The following TMTC2 variants were observed in gnomAD, a reference collection of about 807,000 sequenced individuals.
The protein encoded by TMTC2 is protein O-mannosyl-transferase TMTC2.
TMTC2 carries 43 observed loss-of-function variants against 82.4 expected under a neutral mutation model. That is an observed-to-expected ratio of 0.52 (90% CI 0.41 to 0.67). TMTC2 has a LOEUF of 0.67. Among genes scored for constraint, TMTC2 ranks in the 30% least tolerant of loss-of-function variants. The pLI is 0.00. For missense variants in TMTC2, 919 were observed against 1,012.4 expected (o/e 0.91, Z 1.25); for synonymous variants, 408 against 381.9 (o/e 1.07, Z -0.80).
chr12:82,961,189 C>T (rs1405029115), intron 4 of TMTC2, among the ~76,000 whole-genome samples: 2 of 96,912 alleles, frequency 2.1e-5, no homozygotes, highest in Non-Finnish European at 4.1e-5. Flanking sequence ...AGTTTCTCTG[C>T]CACTATTATT....
At chr12:82,952,598 T>G (rs1877405411) in intron 4 of TMTC2, among the ~76,000 whole-genome samples, 1 of 152,130 alleles carries the variant, frequency 6.6e-6, no homozygotes, top group Non-Finnish European at 1.5e-5. Context: ...CAGACTCAAG[T>G]CCAGTGGTGC....
At chr12:82,754,947 G>A (rs187913638) in intron 1 of TMTC2, among the ~76,000 whole-genome samples, 120 of 152,288 alleles carry the variant, frequency 7.9e-4, no homozygotes, top group Admixed American at 3.1e-3. Context: ...AAGCATCTCA[G>A]AAAAAGGTGT....
intron 1 of TMTC2, among the ~76,000 whole-genome samples, chr12:82,727,044 C>G (rs534282721): frequency 5.8e-4 from 88 of 151,630 alleles, no homozygotes; most frequent in Non-Finnish European, 9.9e-4. Flanking sequence ...ATAAGGAAAA[C>G]TAGATGTTTT....
At chr12:82,841,647 C>T (rs143020713) in intron 1 of TMTC2, among the ~76,000 whole-genome samples, 4 of 152,270 alleles carry the variant, frequency 2.6e-5, no homozygotes, top group East Asian at 3.9e-4. Flanking sequence ...TCCCATGTTT[C>T]GCATGTGTGT....
chr12:82,971,255 T>G (rs1486354697), intron 7 of TMTC2, among the ~76,000 whole-genome samples: 3 of 152,152 alleles, frequency 2.0e-5, no homozygotes, highest in Non-Finnish European at 4.4e-5. Flanking sequence ...AGTCCTTCTG[T>G]GTTACCTAAA....
At chr12:82,975,146 G>T (rs1878614708) in intron 7 of TMTC2, among the ~76,000 whole-genome samples, 1 of 152,088 alleles carries the variant, frequency 6.6e-6, no homozygotes, top group Non-Finnish European at 1.5e-5. Context: ...TTAGTTCAAA[G>T]CATTTAGCAT....
intron 2 of TMTC2, among the ~76,000 whole-genome samples, chr12:82,892,383 A>C (rs771602035): frequency 1.4e-4 from 21 of 152,126 alleles, no homozygotes; most frequent in Non-Finnish European, 2.9e-4. Context: ...ATTGTATTTA[A>C]ATTTTCTTTT....
intron 8 of TMTC2, among the ~76,000 whole-genome samples, chr12:83,024,166 C>T (rs183072124): frequency 6.6e-6 from 1 of 152,110 alleles, no homozygotes; most frequent in Non-Finnish European, 1.5e-5. Context: ...CACCTCAACA[C>T]ACTCTGACTT....
chr12:82,945,159 T>C (rs529374801), intron 4 of TMTC2, among the ~76,000 whole-genome samples: 4 of 152,266 alleles, frequency 2.6e-5, no homozygotes, highest in Non-Finnish European at 4.4e-5. Flanking sequence ...CAAAGCAGAA[T>C]TGGGGGAAAT....
chr12:82,937,775 TATATATATATATATATATATACAC>T (rs1338578798), intron 4 of TMTC2, among the ~76,000 whole-genome samples: 1 of 23,276 alleles, frequency 4.3e-5, no homozygotes, highest in African/African-American at 1.3e-4. Context: ...TATATATATA[TATATATATATATATATATATACAC>T]ACATATATAT....
chr12:82,864,563 G>T (rs1311258904), intron 2 of TMTC2, among the ~76,000 whole-genome samples: 2 of 144,720 alleles, frequency 1.4e-5, no homozygotes, highest in East Asian at 4.2e-4. Flanking sequence ...GTGCAGTGGC[G>T]CAATCTTGGC....
chr12:82,855,517 A>G (rs1871221111), intron 1 of TMTC2, among the ~76,000 whole-genome samples: 2 of 152,184 alleles, frequency 1.3e-5, no homozygotes, highest in East Asian at 1.9e-4. Flanking sequence ...AAAAGCCCTG[A>G]TATCAGACTA....
intron 11 of TMTC2, among the ~76,000 whole-genome samples, chr12:83,126,797 ATTCTT>A (rs1274409206): frequency 6.6e-6 from 1 of 152,012 alleles, no homozygotes; most frequent in Non-Finnish European, 1.5e-5. Context: ...GGTATTTAAC[ATTCTT>A]TTTTTTTTCC....
At chr12:82,985,322 G>T (rs759558229) in intron 7 of TMTC2, among the ~76,000 whole-genome samples, 81 of 152,076 alleles carry the variant, frequency 5.3e-4, no homozygotes, top group Non-Finnish European at 8.4e-4. Context: ...TAAGTGCTGG[G>T]ATTACAGGCA....
intron 1 of TMTC2, among the ~76,000 whole-genome samples, chr12:82,769,452 G>T (rs568154776): frequency 1.1e-4 from 16 of 151,694 alleles, no homozygotes; most frequent in African/African-American, 3.9e-4. Flanking sequence ...CTCCAGCTTG[G>T]GTGACAGAGT....
At chr12:82,700,713 T>C (rs1873034234) in intron 1 of TMTC2, among the ~76,000 whole-genome samples, 1 of 152,222 alleles carries the variant, frequency 6.6e-6, no homozygotes. Flanking sequence ...GACTTCCAAA[T>C]TCTTTACCAT....
chr12:82,730,340 C>T (rs116967209), intron 1 of TMTC2, among the ~76,000 whole-genome samples: 2,948 of 150,766 alleles, frequency 0.02, 48 homozygotes, highest in Middle Eastern at 0.068. Context: ...CATCCACTCC[C>T]TATCTTATAT....
At chr12:83,108,848 T>G (rs1884504477) in intron 11 of TMTC2, among the ~76,000 whole-genome samples, 1 of 152,174 alleles carries the variant, frequency 6.6e-6, no homozygotes, top group African/African-American at 2.4e-5. Flanking sequence ...AAAGTTAACT[T>G]TACTAAAAAA....
intron 2 of TMTC2, among the ~76,000 whole-genome samples, chr12:82,880,039 T>C (rs1303769653): frequency 1.3e-5 from 2 of 152,204 alleles, no homozygotes; most frequent in East Asian, 3.9e-4. Flanking sequence ...CAGAAAAATA[T>C]AACGGAACTT....
Sources: gnomAD v4.1 joint callset for allele counts (sites outside exome capture counted in the v4.1 genomes callset) on GRCh38, gnomAD v4.1.1 for gene constraint, MANE v1.5 for transcripts, NCBI Gene and HGNC (gene_info 2026-07-23, HGNC 2026-07-21) for gene names.